CACNA2D3: variants seen among roughly 807,000 people sequenced by gnomAD.
CACNA2D3 encodes the protein voltage-dependent calcium channel subunit alpha-2/delta-3.
In CACNA2D3, 60 loss-of-function variants were observed where a neutral mutation model predicts 160.6. That is an observed-to-expected ratio of 0.37 (90% CI 0.30 to 0.46). The LOEUF (loss-of-function observed/expected upper bound fraction) is 0.46. Among genes scored for constraint, CACNA2D3 ranks in the 20% least tolerant of loss-of-function variants. The pLI is 1.00. For missense variants in CACNA2D3, 1,205 were observed against 1,365.0 expected (o/e 0.88, Z 1.85); for synonymous variants, 558 against 492.9 (o/e 1.13, Z -1.75).
At chr3:54,803,640 G>T (rs912349219) in intron 13 of CACNA2D3, among the ~76,000 whole-genome samples, 17 of 152,286 alleles carry the variant, frequency 1.1e-4, no homozygotes, top group Middle Eastern at 6.8e-3. Flanking sequence ...TGCAGGATAT[G>T]ATCCAGTAGA....
intron 13 of CACNA2D3, among the ~76,000 whole-genome samples, chr3:54,777,229 A>G (rs1404504206): frequency 1.3e-5 from 2 of 152,208 alleles, no homozygotes; most frequent in Non-Finnish European, 2.9e-5. Flanking sequence ...CACCATAGGT[A>G]AGGACATTTC....
chr3:54,884,465 G>A (rs955946407), intron 21 of CACNA2D3, among the ~76,000 whole-genome samples: 36 of 152,214 alleles, frequency 2.4e-4, no homozygotes, highest in Non-Finnish European at 4.4e-4. Context: ...CTGGAGTCCT[G>A]AGTGCAGTAA....
At position 54,198,028 on chromosome 3, in the gene CACNA2D3, G is replaced by A. The variant is rs148662905; in HGVS notation, c.204+74434G>A. Among the ~76,000 whole-genome samples, 406 of 152,340 alleles carry A rather than the reference G, an allele frequency of 2.7e-3. 5 individuals carry two copies. The highest frequency in any genetic ancestry group is 4.4e-3 in the Non-Finnish European group (298 of 68,036). ...GACGTGATGAAAGTAAAAATAGCAT[G>A]CGTGAAGTTCCAAGGAAAGTGAGAG... On this transcript the variant is annotated intron_variant, in intron 2 of 37. Coordinates refer to ENST00000474759, the MANE Select transcript of CACNA2D3 (RefSeq NM_018398.3).
intron 5 of CACNA2D3, among the ~76,000 whole-genome samples, chr3:54,509,297 G>C (rs969219763): frequency 1.3e-5 from 2 of 149,982 alleles, no homozygotes; most frequent in Non-Finnish European, 3.0e-5. Context: ...GTGTTTGTGT[G>C]TGTGTGTGTG....
chr3:54,976,493 A>T (rs1005689201), intron 29 of CACNA2D3, among the ~76,000 whole-genome samples: 26 of 152,234 alleles, frequency 1.7e-4, no homozygotes, highest in South Asian at 6.2e-4. Context: ...AATAATAATT[A>T]AAAAAAGACA....
At chr3:54,901,524 G>A (rs760970883) in intron 27 of CACNA2D3, among the ~76,000 whole-genome samples, 12 of 152,094 alleles carry the variant, frequency 7.9e-5, no homozygotes, top group Non-Finnish European at 1.5e-4. Flanking sequence ...GTCTATTGTC[G>A]AGTTGCATCG....
At chr3:54,938,518 C>T (rs1701383740) in intron 27 of CACNA2D3, among the ~76,000 whole-genome samples, 1 of 152,026 alleles carries the variant, frequency 6.6e-6, no homozygotes, top group African/African-American at 2.4e-5. Context: ...TTTGACTAGC[C>T]CAAATGCCCC....
At chr3:54,363,800 T>G (rs927970339) in intron 3 of CACNA2D3, among the ~76,000 whole-genome samples, 10 of 152,164 alleles carry the variant, frequency 6.6e-5, no homozygotes, top group African/African-American at 2.4e-4. Flanking sequence ...AGGTGCATGA[T>G]GGAGTGAGGT....
Position 54,480,594 on chromosome 3 carries a change from T to A in CACNA2D3, c.382-22898T>A, listed in dbSNP as rs187473430. ...AACAAGTTAAAGAATATAAAATATG[T>A]ATGAAATTTTTAATTGAAAAATGGG... On this transcript the variant is annotated intron_variant, in intron 4 of 37. Coordinates refer to ENST00000474759, the MANE Select transcript of CACNA2D3 (RefSeq NM_018398.3). Among the ~76,000 whole-genome samples the A allele has an allele frequency of 3.2e-3, 494 of 152,254 alleles. 2 individuals carry two copies. Among genetic ancestry groups the A allele is most frequent in the African/African-American group, 0.011 (466 of 41,536 alleles).
At chr3:54,163,046 T>G (rs1186539509) in intron 2 of CACNA2D3, among the ~76,000 whole-genome samples, 1 of 152,190 alleles carries the variant, frequency 6.6e-6, no homozygotes, top group African/African-American at 2.4e-5. Flanking sequence ...ACTCTTGACA[T>G]ATTTGAGAAA....
intron 2 of CACNA2D3, among the ~76,000 whole-genome samples, chr3:54,181,520 A>G (rs538351607): frequency 6.6e-6 from 1 of 152,322 alleles, no homozygotes; most frequent in South Asian, 2.1e-4. Flanking sequence ...TGGGTTTAAA[A>G]TGTATGTGCC....
chr3:54,598,244 G>T (rs928073260), intron 9 of CACNA2D3, among the ~76,000 whole-genome samples: 1 of 129,980 alleles, frequency 7.7e-6, no homozygotes, highest in African/African-American at 2.9e-5. Flanking sequence ...GGAGGCGGAG[G>T]TTGCAGTGAG....
At chr3:54,933,490 T>C (rs561794235) in intron 27 of CACNA2D3, among the ~76,000 whole-genome samples, 1 of 152,282 alleles carries the variant, frequency 6.6e-6, no homozygotes, top group South Asian at 2.1e-4. Context: ...TCACATTCTA[T>C]TAGCCAGAAT....
At chr3:54,880,951 C>A in intron 21 of CACNA2D3, 88 bp downstream of exon 21, 1 of 1,055,118 alleles carries the variant, frequency 9.5e-7, no homozygotes, top group Non-Finnish European at 1.5e-6. Context: ...ACTTGTTCAT[C>A]TGTCCGCACC....
rs575952543 is a variant in CACNA2D3 at position 55,021,730 on chromosome 3, T to G, written c.2987+3413T>G. Among the ~76,000 whole-genome samples the G allele has an allele frequency of 4.7e-5, 7 of 149,104 alleles. 1 individual carries two copies. The South Asian group carries it at 1.5e-3, about 31-fold the overall frequency. ...ATATGTGTGTGTATATATATATATATAGCCTTCATTCTTATTCATCTCTAA... is the reference window on the plus strand; with the variant it reads ...ATATGTGTGTGTATATATATATATAGAGCCTTCATTCTTATTCATCTCTAA... On this transcript the variant is annotated intron_variant, in intron 35 of 37. Transcript: ENST00000474759.
chr3:54,837,172 A>T lies in CACNA2D3; in HGVS notation c.1412A>T (p.Gln471Leu). 1 of 1,613,902 alleles carries T rather than the reference A, an allele frequency of 6.2e-7. No homozygotes were observed. The highest frequency in any genetic ancestry group is 8.5e-7 in the Non-Finnish European group (1 of 1,179,824). ...LPQAQKLTDD[Q>L]GPVLMTTVAM... ...TCTTCCATCCAGCTGACTGATGATCAGGGCCCCGTCCTGATGACCACTGTA... is the reference window on the plus strand; with the variant it reads ...TCTTCCATCCAGCTGACTGATGATCTGGGCCCCGTCCTGATGACCACTGTA... Residue 471 changes from glutamine to leucine, a missense_variant, in exon 15 of 38, where the codon CAG becomes CTG. By Grantham distance (113) the Gln-to-Leu change is moderately radical. Transcript: ENST00000474759.
Position 54,879,063 on chromosome 3 carries a change from G to A in CACNA2D3, c.1756G>A (p.Glu586Lys). Reference protein sequence around the residue: ...VNRKTGKFSMEVKKTVDKGKR... With the variant: ...VNRKTGKFSMKVKKTVDKGKR... ...TCGAAAGACGGGGAAGTTTTCCATG[G>A]AGGTGAAGAAGACAGTGGACAAAGG... The change falls in exon 19 of 38, where the codon GAG becomes AAG. Residue 586 changes from glutamate to lysine, a missense_variant. Physicochemically the swap from Glu to Lys is moderately conservative, Grantham distance 56. Transcript: ENST00000474759. 6.2e-7 allele frequency: 1 copy of A among 1,606,310 alleles called. No individual in the cohort carries two copies. The highest frequency in any genetic ancestry group is 8.5e-7 in the Non-Finnish European group (1 of 1,177,070).
At position 54,729,013 on chromosome 3, in the gene CACNA2D3, T is replaced by A. The variant is rs570026214; in HGVS notation, c.1168-23586T>A. On this transcript the variant is annotated intron_variant, in intron 11 of 37. Coordinates refer to ENST00000474759, the MANE Select transcript of CACNA2D3 (RefSeq NM_018398.3). ...AGAACATGGACTTACTTCCCTAGAG[T>A]TCCCTTTTCTTCTGGATTTTTTTCT... 3.9e-5 allele frequency among the ~76,000 whole-genome samples: 6 copies of A among 152,184 alleles called. 1 individual carries two copies. The highest frequency in any genetic ancestry group is 1.2e-4 in the African/African-American group (5 of 41,528).
chr3:54,562,023 G>A (rs1208388641), intron 5 of CACNA2D3, among the ~76,000 whole-genome samples: 2 of 152,158 alleles, frequency 1.3e-5, no homozygotes, highest in Non-Finnish European at 2.9e-5. Flanking sequence ...AACAGCACAG[G>A]AAAGACCTGC....
Sources: allele counts gnomAD v4.1 joint callset (sites outside exome capture counted in the v4.1 genomes callset), GRCh38; gene constraint gnomAD v4.1.1; transcripts MANE v1.5; gene names NCBI Gene and HGNC (gene_info 2026-07-23, HGNC 2026-07-21).